BICRAL: variants seen among roughly 807,000 people sequenced by gnomAD.
The protein encoded by BICRAL is BICRA like chromatin remodeling complex associated protein, also known as BRD4-interacting chromatin-remodeling complex-associated protein-like.
In BICRAL, 8 loss-of-function variants were observed where a neutral mutation model predicts 91.8. The ratio of observed to expected loss-of-function variants is 0.09; its 90% CI spans 0.05 to 0.16. The LOEUF (loss-of-function observed/expected upper bound fraction) is 0.16, where lower values mean the gene tolerates loss of function less well. Among genes scored for constraint, BICRAL ranks in the 10% least tolerant of loss-of-function variants. BICRAL has a pLI of 1.00. For synonymous variants in BICRAL, 445 were observed against 491.1 expected (o/e 0.91, Z 1.24); for missense variants, 1,038 against 1,310.9 (o/e 0.79, Z 3.21).
At chr6:42,848,267 A>T (rs1006507131) in intron 6 of BICRAL, among the ~76,000 whole-genome samples, 1 of 151,358 alleles carries the variant, frequency 6.6e-6, no homozygotes. Flanking sequence ...AAAAAAAATT[A>T]GCCAGGCATG....
intron 1 of BICRAL, among the ~76,000 whole-genome samples, chr6:42,795,249 G>A (rs566093733): frequency 1.3e-5 from 2 of 152,148 alleles, no homozygotes; most frequent in Non-Finnish European, 2.9e-5. Context: ...TGGCCAACAT[G>A]GCGAGACCCC....
chr6:42,755,836 AT>A (rs1275067785), intron 1 of BICRAL, among the ~76,000 whole-genome samples: 5 of 149,652 alleles, frequency 3.3e-5, no homozygotes, highest in South Asian at 2.1e-4. Context: ...CGCCCGGCTA[AT>A]TTTTTTTTTG....
At chr6:42,791,250 A>G (rs982408969) in intron 1 of BICRAL, among the ~76,000 whole-genome samples, 2 of 152,194 alleles carry the variant, frequency 1.3e-5, no homozygotes, top group African/African-American at 4.8e-5. Flanking sequence ...CCTTAATCCC[A>G]ATCAACTTTA....
chr6:42,861,932 A>T (rs955668207), intron 11 of BICRAL, among the ~76,000 whole-genome samples: 2 of 152,140 alleles, frequency 1.3e-5, no homozygotes, highest in Non-Finnish European at 2.9e-5. Context: ...CTGGGAGGTG[A>T]AGGTTGCAGA....
intron 1 of BICRAL, among the ~76,000 whole-genome samples, chr6:42,795,169 C>G (rs1038679743): frequency 6.6e-6 from 1 of 152,180 alleles, no homozygotes; most frequent in African/African-American, 2.4e-5. Context: ...CGGTGGCTCA[C>G]ACCTGTAATC....
At chr6:42,787,484 C>A (rs1282987846) in intron 1 of BICRAL, among the ~76,000 whole-genome samples, 1 of 151,604 alleles carries the variant, frequency 6.6e-6, no homozygotes, top group Non-Finnish European at 1.5e-5. Flanking sequence ...TCAAGCCCTG[C>A]GAGACTGGAG....
intron 1 of BICRAL, among the ~76,000 whole-genome samples, chr6:42,755,835 A>AT (rs1173594208): frequency 4.6e-5 from 7 of 151,030 alleles, no homozygotes; most frequent in South Asian, 2.1e-4. Context: ...ACGCCCGGCT[A>AT]ATTTTTTTTT....
At chr6:42,844,425 C>T (rs1764920371) in intron 6 of BICRAL, among the ~76,000 whole-genome samples, 1 of 137,164 alleles carries the variant, frequency 7.3e-6, no homozygotes, top group Non-Finnish European at 1.5e-5. Flanking sequence ...AGGAGAATGG[C>T]GTGAACCCGG....
intron 1 of BICRAL, among the ~76,000 whole-genome samples, chr6:42,791,372 A>G (rs750739569): frequency 1.3e-5 from 2 of 152,198 alleles, no homozygotes; most frequent in East Asian, 1.9e-4. Context: ...CAAACACATT[A>G]AACACTTAAC....
intron 1 of BICRAL, among the ~76,000 whole-genome samples, chr6:42,801,986 A>G (rs1763587550): frequency 6.6e-6 from 1 of 152,274 alleles, no homozygotes; most frequent in African/African-American, 2.4e-5. Context: ...AATAAAATAT[A>G]TCATAATGCT....
At chr6:42,831,642 C>T (rs1164820781) in intron 6 of BICRAL, among the ~76,000 whole-genome samples, 4 of 152,148 alleles carry the variant, frequency 2.6e-5, no homozygotes, top group Non-Finnish European at 5.9e-5. Context: ...ATGCCATACC[C>T]TACTTTCGAC....
At chr6:42,845,013 A>G (rs985195686) in intron 6 of BICRAL, among the ~76,000 whole-genome samples, 4 of 151,832 alleles carry the variant, frequency 2.6e-5, no homozygotes, top group African/African-American at 9.7e-5. Context: ...AGAGCTGACT[A>G]AAGGGAAAAA....
intron 5 of BICRAL, among the ~76,000 whole-genome samples, chr6:42,823,676 C>A (rs1304491671): frequency 2.0e-5 from 3 of 152,062 alleles, no homozygotes; most frequent in Admixed American, 6.6e-5. Flanking sequence ...GTAATCCCAA[C>A]ACTTTGGGAG....
chr6:42,750,054 G>T (rs1022925259), intron 1 of BICRAL, among the ~76,000 whole-genome samples: 1 of 151,646 alleles, frequency 6.6e-6, no homozygotes. Context: ...TAGTAGAGGC[G>T]GGGTTTCACT....
intron 1 of BICRAL, among the ~76,000 whole-genome samples, chr6:42,760,911 A>G (rs1762533232): frequency 6.6e-6 from 1 of 152,010 alleles, no homozygotes; most frequent in Non-Finnish European, 1.5e-5. Context: ...AATCCCAGCT[A>G]CTTGGGAGGC....
rs1252959110 is a variant in BICRAL, at chr6:42,822,056, C to G, written c.34C>G (p.Leu12Val). 6.2e-7 allele frequency: 1 copy of G among 1,604,922 alleles called. No homozygotes were observed. The highest frequency in any genetic ancestry group is 8.5e-7 in the Non-Finnish European group (1 of 1,172,208). ...TGATGATGACTCGTGTCTCCTTGATCTTATTGGGTAAGATGCTTATTCCAA... is the reference window on the plus strand; with the variant it reads ...TGATGATGACTCGTGTCTCCTTGATGTTATTGGGTAAGATGCTTATTCCAA... ...DDDDDSCLLD[L>V]IGDPQALNYF... The change falls in exon 3 of 13, where the codon CTT becomes GTT. Residue 12 changes from leucine (L) to valine (V), a missense_variant. Leu to Val is a conservative substitution (Grantham distance 32, BLOSUM62 1). Transcript: ENST00000314073.
chr6:42,809,430 A>ATTTTT (rs989054840), intron 1 of BICRAL, among the ~76,000 whole-genome samples: 8 of 111,932 alleles, frequency 7.1e-5, no homozygotes, highest in Admixed American at 9.6e-5. Flanking sequence ...AACTATGAGA[A>ATTTTT]TTTTTTTTTT....
At chr6:42,837,708 C>A (rs1053652816) in intron 6 of BICRAL, among the ~76,000 whole-genome samples, 1 of 150,834 alleles carries the variant, frequency 6.6e-6, no homozygotes, top group South Asian at 2.1e-4. Context: ...GCTGAGATTG[C>A]GCCACTGCAA....
At chr6:42,815,968 G>A (rs1763979241) in intron 2 of BICRAL, among the ~76,000 whole-genome samples, 1 of 111,504 alleles carries the variant, frequency 9.0e-6, no homozygotes, top group African/African-American at 3.5e-5. Flanking sequence ...TGGGCAACAA[G>A]AGAGAAACTC....
Sources: allele counts gnomAD v4.1 joint callset (sites outside exome capture counted in the v4.1 genomes callset), GRCh38; gene constraint gnomAD v4.1.1; transcripts MANE v1.5; gene names NCBI Gene and HGNC (gene_info 2026-07-23, HGNC 2026-07-21).